The following TBC1D26 variants were observed in gnomAD, a reference collection of about 807,000 sequenced individuals.
TBC1D26 encodes the protein TBC1 domain family, member 26.
A neutral mutation model predicts 42.5 loss-of-function variants in TBC1D26; 19 were observed. That is an observed-to-expected ratio of 0.45 (90% CI 0.31 to 0.66). The LOEUF (loss-of-function observed/expected upper bound fraction) is 0.66, where lower values mean the gene tolerates loss of function less well. Ranked by LOEUF, TBC1D26 falls within the 30% of genes least tolerant of loss-of-function variation. The pLI, the probability that TBC1D26 is intolerant of heterozygous loss-of-function variation, is 0.06. For missense variants in TBC1D26, 228 were observed against 332.6 expected, an observed-to-expected ratio of 0.69 and a Z score of 2.45; for synonymous variants, 97 against 123.5, an observed-to-expected ratio of 0.79 and a Z score of 1.42.
intron 4 of TBC1D26, among the ~76,000 whole-genome samples, chr17:15,737,009 G>A (rs561617320): frequency 6.6e-6 from 1 of 152,128 alleles, no homozygotes; most frequent in East Asian, 1.9e-4. Flanking sequence ...CCCATGGGGA[G>A]TGTCAGATGG....
intron 1 of TBC1D26, among the ~76,000 whole-genome samples, chr17:15,733,390 C>T (rs975624164): frequency 1.3e-5 from 2 of 152,142 alleles, no homozygotes; most frequent in African/African-American, 4.8e-5. Flanking sequence ...GGAATCCGAC[C>T]TTGCCACTCA....
In TBC1D26 at chr17:15,740,157, T is replaced by A; in HGVS notation, c.546+9T>A. On this transcript the variant is annotated intron_variant, in intron 9 of 14. Transcript: ENST00000437605. ...ATTCTGCATATAACCCTGTGAGTAT[T>A]CCCGGGCAGCGATATTCCTGGGACA... The A allele has an allele frequency of 6.2e-7, 1 of 1,614,156 alleles. No individual in the cohort carries two copies. The highest frequency in any genetic ancestry group is 8.5e-7 in the Non-Finnish European group (1 of 1,180,038).
chr17:15,737,944 C>A, intron 5 of TBC1D26, 53 bp from the exon 6 acceptor site: 4 of 1,612,648 alleles, frequency 2.5e-6, no homozygotes, highest in Non-Finnish European at 3.4e-6. Context: ...CATCCACGGG[C>A]CACTGTCAGA....
Position 15,735,152 on chromosome 17 carries a change from C to G in TBC1D26, c.-2+82C>G. On this transcript the variant is annotated intron_variant, in intron 2 of 14. Transcript: ENST00000437605. ...TGTGCTCAAATCCTCAGGAAGGAGC[C>G]CACCACTGGTTGGAGGCAAGGACTT... 4 of 643,076 alleles carry G rather than the reference C, an allele frequency of 6.2e-6. No homozygotes were observed. The East Asian group carries it at 1.1e-4, about 18-fold the overall frequency. The allele number at this position is 643,076 out of a possible 1,614,324, so 39.8% of individuals were successfully genotyped here.
chr17:15,741,560 G>A (rs1156357712), intron 10 of TBC1D26: 2 of 468,028 alleles, frequency 4.3e-6, no homozygotes, highest in Middle Eastern at 1.2e-3. Flanking sequence ...AGCTGGCTGT[G>A]CTCCCAGCCA....
chr17:15,737,573 C>T lies in TBC1D26; in HGVS notation c.198+50C>T, dbSNP rs372571153. On this transcript the variant is annotated intron_variant, in intron 5 of 14. Transcript: ENST00000437605. ...GGAGGCTGCTTCAGGGACTGGGAAT[C>T]GGGTGGTCGGTAAGGCAGAGGGGGT... is the stretch of plus-strand genomic sequence containing the variant. 237 of 1,606,670 alleles carry T rather than the reference C, an allele frequency of 1.5e-4. 3 individuals carry two copies. Among genetic ancestry groups the T allele is most frequent in the Middle Eastern group, 8.2e-4 (4 of 4,896 alleles).
intron 11 of TBC1D26, 142 bp from the exon 12 acceptor site, chr17:15,742,272 G>A: frequency 1.8e-6 from 1 of 545,250 alleles, no homozygotes; most frequent in Admixed American, 3.2e-5. Flanking sequence ...GTGTCCACCG[G>A]GCGTCCGTGC....
At position 15,744,447 on chromosome 17, in the gene TBC1D26, T is replaced by C. The variant is rs1488734542; in HGVS notation, c.1262T>C (p.Met421Thr). ...GCAGCAGACCAGTCACAAAAAGAGA[T>C]GAAATGTGAGTGCATGGCCTTCCTG... The part of the protein sequence containing the change: ...QPAADQSQKE[M>T]KCECMAFLTP... The change falls in exon 15 of 15, where the codon ATG becomes ACG. Residue 421 changes from methionine to threonine, a missense_variant. Physicochemically the swap from Met to Thr is moderately conservative, Grantham distance 81. This residue lies in a region of TBC1D26 where 130 missense variants were observed against 168.5 expected (regional missense o/e 0.77). Transcript: ENST00000437605. 2.0e-5 allele frequency: 3 copies of C among 152,014 alleles called. No homozygotes were observed. The highest frequency in any genetic ancestry group is 4.4e-5 in the Non-Finnish European group (3 of 68,004). 9.4% of individuals were successfully genotyped at this position (152,014 alleles called of 1,614,324 possible). A position where few individuals can be genotyped will look rare whatever the true frequency, so the allele number is the denominator to read the frequency against.
chr17:15,740,719 C>T, intron 9 of TBC1D26: 1 of 1,089,976 alleles, frequency 9.2e-7, no homozygotes, highest in South Asian at 2.9e-5. Context: ...GCAGGCAGCC[C>T]TTGGGCTGTT....
chr17:15,736,890 G>T (rs1158527285), intron 4 of TBC1D26, among the ~76,000 whole-genome samples: 3 of 152,398 alleles, frequency 2.0e-5, no homozygotes, highest in South Asian at 2.1e-4. Context: ...CGGAGAGAGG[G>T]TCATAGTGTC....
In TBC1D26 at chr17:15,743,527, G is replaced by A; in HGVS notation, c.1057+11G>A. ...ACCTGCCACCCCCAGGTGGGCTCTAGCACCAGGTACCCTCTGGAGTCACCC... is the reference window on the plus strand; with the variant it reads ...ACCTGCCACCCCCAGGTGGGCTCTAACACCAGGTACCCTCTGGAGTCACCC... On this transcript the variant is annotated intron_variant, in intron 14 of 14. Transcript: ENST00000437605. 1.0e-6 allele frequency: 1 copy of A among 993,314 alleles called. No homozygotes were observed. Among genetic ancestry groups the A allele is most frequent in the Non-Finnish European group, 1.2e-6 (1 of 828,762 alleles). 61.5% of individuals were successfully genotyped at this position (993,314 alleles called of 1,614,324 possible).
chr17:15,741,726 A>T (rs1356657046), intron 10 of TBC1D26: 5 of 567,470 alleles, frequency 8.8e-6, no homozygotes, highest in African/African-American at 3.8e-5. Context: ...TGTCAAATGC[A>T]GGCTGCCCTC....
In TBC1D26 at chr17:15,738,319, C is replaced by T. The variant is rs780878405; in HGVS notation, c.319C>T (p.Arg107Trp). 1.3e-5 allele frequency: 21 copies of T among 1,613,536 alleles called. No individual in the cohort carries two copies. Among genetic ancestry groups the T allele is most frequent in the African/African-American group, 6.7e-5 (5 of 74,906 alleles). Residue 107 changes from arginine to tryptophan, a missense_variant, in exon 7 of 15, where the codon CGG becomes TGG. Around this residue, in one of 5 missense-constraint regions of TBC1D26, gnomAD observed 72 missense variants for 90.1 expected, o/e 0.80. Transcript: ENST00000437605. ...ATACAAAGTCATTCCCCTGGCGGTA[C>T]GGGGCCGGGCGTGGTCACTTTTGCT... ...RVYKVIPLAV[R>W]GRAWSLLLDI...
intron 3 of TBC1D26, 23 bp from the exon 4 acceptor site, chr17:15,735,574 T>C (rs1567723019): frequency 1.2e-6 from 1 of 859,974 alleles, no homozygotes; most frequent in East Asian, 2.7e-5. Flanking sequence ...ACCCCCACTA[T>C]CCTGGCCTCC....
intron 10 of TBC1D26, 194 bp downstream of exon 10, chr17:15,741,415 C>A: frequency 1.1e-6 from 1 of 919,510 alleles, no homozygotes; most frequent in East Asian, 2.7e-5. Flanking sequence ...GGAACCCCCT[C>A]ACCTCAAGTC....
At chr17:15,738,178 G>A (rs1299472340) in intron 6 of TBC1D26, 101 bp downstream of exon 6, 14 of 1,608,240 alleles carry the variant, frequency 8.7e-6, no homozygotes, top group Non-Finnish European at 1.2e-5. Context: ...CAGTGGGTGG[G>A]TGGTACCCCA....
intron 1 of TBC1D26, chr17:15,734,149 C>T (rs969779614): frequency 5.3e-5 from 8 of 151,938 alleles, no homozygotes; most frequent in Non-Finnish European, 1.0e-4. Context: ...TGACCCGGGC[C>T]GTGCACTCAG....
Position 15,740,166 on chromosome 17 carries a change from GCGA to G in TBC1D26, c.546+19_546+21del, listed in dbSNP as rs1371893494. 6.2e-7 allele frequency: 1 copy of G among 1,614,170 alleles called. No homozygotes were observed. Among genetic ancestry groups the G allele is most frequent in the African/African-American group, 1.3e-5 (1 of 75,036 alleles). On this transcript the variant is annotated intron_variant, in intron 9 of 14. Transcript: ENST00000437605. ...ATAACCCTGTGAGTATTCCCGGGCA[GCGA>G]TATTCCTGGGACATGTGCCCATATT...
chr17:15,740,255 C>A, intron 9 of TBC1D26, 107 bp downstream of exon 9: 2 of 1,613,308 alleles, frequency 1.2e-6, no homozygotes, highest in Non-Finnish European at 1.7e-6. Context: ...GTTTGTCCAC[C>A]AGGACGTAGT....
Sources: gnomAD v4.1 joint callset for allele counts (sites outside exome capture counted in the v4.1 genomes callset) on GRCh38, gnomAD v4.1.1 for gene constraint, gnomAD v4.1.1 regional missense constraint, MANE v1.5 for transcripts, NCBI Gene and HGNC (gene_info 2026-07-23, HGNC 2026-07-21) for gene names.